The following BRF2 variants were observed in gnomAD, a reference collection of about 807,000 sequenced individuals.
BRF2 encodes BRF2 general transcription factor IIIB subunit, also known as transcription factor IIIB 50 kDa subunit.
A neutral mutation model predicts 26.6 loss-of-function variants in BRF2; 17 were observed. The ratio of observed to expected loss-of-function variants is 0.64; its 90% CI spans 0.44 to 0.96. The LOEUF (loss-of-function observed/expected upper bound fraction) is 0.96, where lower values mean the gene tolerates loss of function less well. BRF2 is among the 40% of genes least tolerant of loss of function. BRF2 has a pLI of 0.00. For synonymous variants in BRF2, 219 were observed against 226.6 expected (o/e 0.97, Z 0.30); for missense variants, 515 against 537.0 (o/e 0.96, Z 0.40).
At chr8:37,846,817 T>A in intron 3 of BRF2, 37 bp downstream of exon 3, 1 of 1,448,968 alleles carries the variant, frequency 6.9e-7, no homozygotes, top group Non-Finnish European at 9.6e-7. Context: ...TAAGGACCCA[T>A]CCCATCCCAT....
rs747043849 is a variant in BRF2 at position 37,844,623 on chromosome 8, G to C, written c.1127C>G (p.Ser376Cys). Residue 376 changes from serine to cysteine, a missense_variant, in exon 4 of 4, where the codon TCC becomes TGC. By Grantham distance (112) the Ser-to-Cys change is moderately radical. Transcript: ENST00000220659. ...AATGTTCTCATCTCCAGTGACAGTG[G>C]AGACAGGGGGTACAGGGCAGATCCG... ...PKRICPVPPV[S>C]TVTGDENISD... is the part of the protein sequence containing the mutation. 9.9e-6 allele frequency: 16 copies of C among 1,614,020 alleles called. No individual in the cohort carries two copies. Among genetic ancestry groups the C allele is most frequent in the Non-Finnish European group, 1.0e-5 (12 of 1,180,034 alleles).
chr8:37,846,257 A>G (rs1805954575), intron 3 of BRF2, among the ~76,000 whole-genome samples: 1 of 151,926 alleles, frequency 6.6e-6, no homozygotes, highest in Non-Finnish European at 1.5e-5. Flanking sequence ...CTGAGGCACA[A>G]AAATCACTTG....
At chr8:37,848,514 TGGGATTACA>T in intron 2 of BRF2, 73 bp downstream of exon 2, 1 of 1,323,858 alleles carries the variant, frequency 7.6e-7, no homozygotes, top group Non-Finnish European at 1.1e-6. Context: ...CCCAAAGTGC[TGGGATTACA>T]GGCGTGAGCC....
rs538954778 is a variant in BRF2 at position 37,847,327 on chromosome 8, C to T, written c.215-152G>A. On this transcript the variant is annotated intron_variant, in intron 2 of 3. Coordinates refer to ENST00000220659, the MANE Select transcript of BRF2 (RefSeq NM_018310.4). ...CCTTTCTGCATAGACAGGAGTGACA[C>T]TTGGTATAGTCATTCTAAAGACACA... is the stretch of plus-strand genomic sequence containing the variant. The T allele has an allele frequency of 2.6e-5, 19 of 719,690 alleles. 1 individual carries two copies. In the South Asian group the frequency reaches 2.7e-4, roughly 10 times the overall value. 44.6% of individuals were successfully genotyped at this position (719,690 alleles called of 1,614,324 possible).
Position 37,847,709 on chromosome 8 carries a change from T to C in BRF2, c.215-534A>G, listed in dbSNP as rs563415039. ...CAGGCCCAGCTAATTTTTGTATTTT[T>C]AGTAGAGACGGGGTTTCACCATGTT... On this transcript the variant is annotated intron_variant, in intron 2 of 3. Coordinates refer to ENST00000220659, the MANE Select transcript of BRF2 (RefSeq NM_018310.4). Among the ~76,000 whole-genome samples the C allele has an allele frequency of 1.2e-4, 18 of 151,882 alleles. No individual in the cohort carries two copies. In the South Asian group the frequency reaches 3.1e-3, roughly 26 times the overall value.
In BRF2 at chr8:37,845,185, C is replaced by A; in HGVS notation, c.565G>T (p.Val189Leu). 1.2e-6 allele frequency: 2 copies of A among 1,612,178 alleles called. No individual in the cohort carries two copies. Among genetic ancestry groups the A allele is most frequent in the Non-Finnish European group, 1.7e-6 (2 of 1,178,966 alleles). ...TTGTCTTCCACGTATTTGGCTGGCA[C>A]AGAAGGTGAAGCTTGGAACAGTTTG... is the stretch of plus-strand genomic sequence containing the variant. ...SFKLFQASPS[V>L]PAKYVEDKEK... The change falls in exon 4 of 4, where the codon GTG (valine) becomes TTG (leucine). Residue 189 changes from valine (V) to leucine (L), a missense_variant. Transcript: ENST00000220659.
At chr8:37,848,997 A>G (rs553086250) in intron 1 of BRF2, among the ~76,000 whole-genome samples, 1 of 152,356 alleles carries the variant, frequency 6.6e-6, no homozygotes, top group South Asian at 2.1e-4. Context: ...ATCACAGCTC[A>G]CGGCAGCCTT....
intron 3 of BRF2, chr8:37,845,548 G>C: frequency 1.6e-6 from 1 of 614,364 alleles, no homozygotes. Context: ...CATCCAGCCA[G>C]GCAGTAACCA....
At chr8:37,847,917 G>A (rs1805991397) in intron 2 of BRF2, among the ~76,000 whole-genome samples, 1 of 149,158 alleles carries the variant, frequency 6.7e-6, no homozygotes, top group African/African-American at 2.5e-5. Flanking sequence ...AGGCCACCAG[G>A]ATAGTTTTCT....
intron 2 of BRF2, among the ~76,000 whole-genome samples, chr8:37,848,153 T>A (rs948882487): frequency 2.6e-5 from 4 of 151,644 alleles, no homozygotes; most frequent in Admixed American, 2.6e-4. Flanking sequence ...GGTTTCATCG[T>A]GTTAACCAGG....
chr8:37,846,719 A>G (rs1805964325), intron 3 of BRF2, 135 bp downstream of exon 3: 1 of 692,796 alleles, frequency 1.4e-6, no homozygotes, highest in Non-Finnish European at 2.5e-6. Context: ...GTGAGCTGAG[A>G]TCGTGCCACT....
At chr8:37,846,822 T>C (rs1563358815) in intron 3 of BRF2, 32 bp downstream of exon 3, 1 of 1,511,684 alleles carries the variant, frequency 6.6e-7, no homozygotes, top group Non-Finnish European at 9.2e-7. Flanking sequence ...ACCCATCCCA[T>C]CCCATCCTAC....
intron 3 of BRF2, 74 bp downstream of exon 3, chr8:37,846,780 A>G: frequency 9.4e-7 from 1 of 1,062,828 alleles, no homozygotes; most frequent in East Asian, 2.4e-5. Context: ...AAAAAAAGAG[A>G]TGGCCAAAGG....
At chr8:37,847,375 A>C (rs1382408278) in intron 2 of BRF2, 200 bp from the exon 3 acceptor site, 1 of 683,020 alleles carries the variant, frequency 1.5e-6, no homozygotes, top group Non-Finnish European at 2.7e-6. Context: ...TAAAGAAGTC[A>C]CATTTCAGCC....
chr8:37,849,692 C>T lies in BRF2; in HGVS notation c.92G>A (p.Cys31Tyr). ...GACCCCCTCGGTGACCACGCAGCCG[C>T]AGTCGGAGCACACCAGCTGGCTCTG... ...YSQSQLVCSDCGCVVTEGVLT... is the reference protein window; with the variant it reads ...YSQSQLVCSDYGCVVTEGVLT... The change falls in exon 1 of 4, where the codon TGC (cysteine) becomes TAC (tyrosine). Residue 31 changes from cysteine (C) to tyrosine (Y), a missense_variant. By Grantham distance (194) the Cys-to-Tyr change is radical. Coordinates refer to ENST00000220659, the MANE Select transcript of BRF2 (RefSeq NM_018310.4). 6.2e-7 allele frequency: 1 copy of T among 1,613,728 alleles called. No individual in the cohort carries two copies. The highest frequency in any genetic ancestry group is 8.5e-7 in the Non-Finnish European group (1 of 1,179,974).
chr8:37,845,003 T>C lies in BRF2; in HGVS notation c.747A>G (p.Arg249=). ...GGTCCACATTTGCCAATTTACAAAA[T>C]CGGGCAAGGGAACATGAAAGCCGAT... ...PADRLSCSLA[R]FCKLANVDLP... The change falls in exon 4 of 4, where the codon CGA becomes CGG. Residue 249 remains arginine (R), a synonymous_variant. Coordinates refer to ENST00000220659, the MANE Select transcript of BRF2 (RefSeq NM_018310.4). 2 of 1,613,866 alleles carry C rather than the reference T, an allele frequency of 1.2e-6. No individual in the cohort carries two copies. Among genetic ancestry groups the C allele is most frequent in the Non-Finnish European group, 1.7e-6 (2 of 1,179,984 alleles).
chr8:37,846,561 C>T (rs1805961173), intron 3 of BRF2, among the ~76,000 whole-genome samples: 1 of 151,834 alleles, frequency 6.6e-6, no homozygotes, highest in African/African-American at 2.4e-5. Flanking sequence ...TCGAGATCAG[C>T]CTGGTCAACA....
rs571501248 is a variant in BRF2 at position 37,845,902 on chromosome 8, C to T, written c.537-689G>A. 2.4e-5 allele frequency: 14 copies of T among 574,286 alleles called. No homozygotes were observed. In the African/African-American group the frequency reaches 2.5e-4, roughly 10 times the overall value. The allele number at this position is 574,286 out of a possible 1,614,324, so 35.6% of individuals were successfully genotyped here. ...TCCTGCTGAGACAGAGCTGGGCATT[C>T]AGCCACAAAGCCCATGGCACAGCAC... On this transcript the variant is annotated intron_variant, in intron 3 of 3. Transcript: ENST00000220659.
Position 37,848,068 on chromosome 8 carries a change from G to A in BRF2, c.214+528C>T, listed in dbSNP as rs530821519. Among the ~76,000 whole-genome samples the A allele has an allele frequency of 3.1e-3, 463 of 151,076 alleles. 4 individuals carry two copies. The highest frequency in any genetic ancestry group is 0.017 in the Middle Eastern group (5 of 292). ...GGGTTCACGCCATTCTCCTGCCTCA[G>A]CCTCCCGAGTAGCTGGGACTACAGG... On this transcript the variant is annotated intron_variant, in intron 2 of 3. Transcript: ENST00000220659.
Sources: allele counts gnomAD v4.1 joint callset (sites outside exome capture counted in the v4.1 genomes callset), GRCh38; gene constraint gnomAD v4.1.1; transcripts MANE v1.5; gene names NCBI Gene and HGNC (gene_info 2026-07-23, HGNC 2026-07-21).